FGD4: variants seen among roughly 807,000 people sequenced by gnomAD.
FGD4 encodes the protein FYVE, RhoGEF and PH domain-containing protein 4.
Under a neutral mutation model 102.0 loss-of-function variants are expected in FGD4, and 42 were observed. The ratio of observed to expected loss-of-function variants is 0.41; its 90% confidence interval spans 0.32 to 0.53. The LOEUF (loss-of-function observed/expected upper bound fraction) is 0.53. FGD4 is among the 20% of genes least tolerant of loss of function. The pLI, the probability that FGD4 is intolerant of heterozygous loss-of-function variation, is 0.21. For missense variants in FGD4, 902 were observed against 1,078.2 expected (o/e 0.84, Z 2.29); for synonymous variants, 380 against 375.7 (o/e 1.01, Z -0.13).
In FGD4 at chr12:32,638,792, C is replaced by T. The variant is rs1314359233; in HGVS notation, c.2451C>T (p.Pro817=). ...TTGTGCTGTACATGTATGGTGCCCCCCAGGTATCTAAACCACATCTGTCTG... is the reference window on the plus strand; with the variant it reads ...TTGTGCTGTACATGTATGGTGCCCCTCAGGTATCTAAACCACATCTGTCTG... ...DPLVLYMYGA[P]QDVRAQATIP... Residue 817 remains proline (P), a synonymous_variant, in exon 16 of 17, where the codon CCC becomes CCT. Coordinates refer to ENST00000534526, the MANE Select transcript of FGD4 (RefSeq NM_001370298.3). The T allele has an allele frequency of 1.2e-6, 2 of 1,613,984 alleles. No homozygotes were observed. The highest frequency in any genetic ancestry group is 1.7e-6 in the Non-Finnish European group (2 of 1,179,920).
rs4931643 is a variant in FGD4 at position 32,616,947 on chromosome 12, C to T, written c.1750-2751C>T. Among the ~76,000 whole-genome samples the T allele has an allele frequency of 2.3e-3, 343 of 152,230 alleles. 7 individuals carry two copies. Among genetic ancestry groups the T allele is most frequent in the Admixed American group, 0.019 (298 of 15,290 alleles). ...CTGGCATCTGGTGAGGGCCTTCTTA[C>T]TGCATCATAACATGCAGAAGGCAGG... is the stretch of plus-strand genomic sequence containing the variant. On this transcript the variant is annotated intron_variant, in intron 10 of 16. Coordinates refer to ENST00000534526, the MANE Select transcript of FGD4 (RefSeq NM_001370298.3).
At chr12:32,449,190 C>T in intron 1 of FGD4, among the ~76,000 whole-genome samples, 1 of 152,076 alleles carries the variant, frequency 6.6e-6, no homozygotes, top group East Asian at 1.9e-4. Context: ...TATTTAGTGC[C>T]TTTGTTTTTT....
intron 10 of FGD4, among the ~76,000 whole-genome samples, chr12:32,612,803 T>C (rs183810675): frequency 1.2e-4 from 18 of 152,316 alleles, no homozygotes; most frequent in Admixed American, 2.0e-4. Flanking sequence ...ATGAGTTCTC[T>C]ACACAGTTCT....
At chr12:32,455,405 A>G (rs1259447173) in intron 1 of FGD4, among the ~76,000 whole-genome samples, 1 of 152,166 alleles carries the variant, frequency 6.6e-6, no homozygotes, top group Non-Finnish European at 1.5e-5. Flanking sequence ...ATACCAGGAT[A>G]ATTGTATTTA....
rs1484837776 is a variant in FGD4 at position 32,558,177 on chromosome 12, A to G, written c.167-5960A>G. Among the ~76,000 whole-genome samples the G allele has an allele frequency of 2.6e-5, 4 of 152,256 alleles. No homozygotes were observed. The East Asian group carries it at 7.7e-4, about 29-fold the overall frequency. On this transcript the variant is annotated intron_variant, in intron 1 of 16. Coordinates refer to ENST00000534526, the MANE Select transcript of FGD4 (RefSeq NM_001370298.3). ...GTTCTTCAAAAGTGCTATGGTGCCA[A>G]AAGTCATGCAAGACAAATCTAAGTA... is the stretch of plus-strand genomic sequence containing the variant.
chr12:32,640,139 G>A, intron 16 of FGD4, 137 bp from the exon 17 acceptor site: 1 of 1,275,468 alleles, frequency 7.8e-7, no homozygotes. Context: ...CAATGGGATT[G>A]CCCTCTGTGC....
At chr12:32,616,755 A>T (rs1266790396) in intron 10 of FGD4, among the ~76,000 whole-genome samples, 1 of 152,198 alleles carries the variant, frequency 6.6e-6, no homozygotes, top group East Asian at 1.9e-4. Flanking sequence ...GCATATTTTC[A>T]TGCCTCCATA....
At chr12:32,631,362 A>G (rs1950488856) in intron 14 of FGD4, among the ~76,000 whole-genome samples, 1 of 152,176 alleles carries the variant, frequency 6.6e-6, no homozygotes, top group African/African-American at 2.4e-5. Context: ...TCCCAGTGTC[A>G]TGAGTGAATA....
intron 1 of FGD4, among the ~76,000 whole-genome samples, chr12:32,514,361 T>C (rs1335381735): frequency 1.3e-5 from 2 of 152,228 alleles, no homozygotes; most frequent in Non-Finnish European, 2.9e-5. Flanking sequence ...CTCAACTATA[T>C]ACCACTTTCC....
chr12:32,495,711 A>AAAAAAAAAAAAC (rs1937770325), intron 1 of FGD4, among the ~76,000 whole-genome samples: 1 of 118,608 alleles, frequency 8.4e-6, no homozygotes, highest in Non-Finnish European at 1.9e-5. Context: ...AAAAAAAAAA[A>AAAAAAAAAAAAC]AGAAGCTTTT....
At chr12:32,488,726 G>A (rs1038032713) in intron 1 of FGD4, among the ~76,000 whole-genome samples, 1 of 152,154 alleles carries the variant, frequency 6.6e-6, no homozygotes, top group African/African-American at 2.4e-5. Context: ...GGATCATGAG[G>A]TCAGGAGTTC....
intron 1 of FGD4, among the ~76,000 whole-genome samples, chr12:32,426,866 T>G (rs1024102214): frequency 2.6e-5 from 4 of 152,216 alleles, no homozygotes; most frequent in African/African-American, 7.2e-5. Flanking sequence ...GTGTTTATAG[T>G]ATTCTCTGAT....
At chr12:32,524,740 G>A (rs1386637918) in intron 1 of FGD4, among the ~76,000 whole-genome samples, 2 of 151,952 alleles carry the variant, frequency 1.3e-5, no homozygotes, top group Non-Finnish European at 2.9e-5. Context: ...TGGGAGGATT[G>A]CTTGAGCATG....
chr12:32,402,234 A>G (rs1253005955), intron 1 of FGD4, among the ~76,000 whole-genome samples: 1 of 148,292 alleles, frequency 6.7e-6, no homozygotes, highest in Non-Finnish European at 1.5e-5. Flanking sequence ...TGAGCCCAGG[A>G]GTTTGAGACC....
chr12:32,549,354 C>G (rs796195694), intron 1 of FGD4, among the ~76,000 whole-genome samples: 13 of 152,278 alleles, frequency 8.5e-5, no homozygotes, highest in African/African-American at 3.1e-4. Context: ...TTTCGCCTGG[C>G]TCTTAATTCT....
At chr12:32,481,561 G>A (rs924026244) in intron 1 of FGD4, among the ~76,000 whole-genome samples, 1 of 152,166 alleles carries the variant, frequency 6.6e-6, no homozygotes, top group Non-Finnish European at 1.5e-5. Flanking sequence ...GGTGGCTCAC[G>A]CCTGTAATCC....
rs542896713 is a variant in FGD4 at position 32,563,765 on chromosome 12, G to A, written c.167-372G>A. 4.9e-4 allele frequency among the ~76,000 whole-genome samples: 75 copies of A among 152,282 alleles called. 2 individuals carry two copies. The Middle Eastern group carries it at 0.01, about 21-fold the overall frequency. On this transcript the variant is annotated intron_variant, in intron 1 of 16. Coordinates refer to ENST00000534526, the MANE Select transcript of FGD4 (RefSeq NM_001370298.3). ...TGCAATCCCGGCACCTCGGGAGGCC[G>A]AGGCTGGCGGATCACTCGCGGTTAG...
chr12:32,631,941 C>G lies in FGD4; in HGVS notation c.2173-1608C>G, dbSNP rs531294190. ...GCATGTGCATTGTCAAAATACTGTG[C>G]TATGATTTGAAAATAAACAAAATGG... On this transcript the variant is annotated intron_variant, in intron 14 of 16. Coordinates refer to ENST00000534526, the MANE Select transcript of FGD4 (RefSeq NM_001370298.3). Among the ~76,000 whole-genome samples, 334 of 152,286 alleles carry G rather than the reference C, an allele frequency of 2.2e-3. 1 individual carries two copies. The highest frequency in any genetic ancestry group is 3.5e-3 in the Non-Finnish European group (238 of 68,018).
chr12:32,523,697 G>A (rs1443436512), intron 1 of FGD4, among the ~76,000 whole-genome samples: 4 of 152,236 alleles, frequency 2.6e-5, no homozygotes, highest in Admixed American at 6.5e-5. Flanking sequence ...GCTCTGGGCC[G>A]GGTGCGGTGG....
Sources: gnomAD v4.1 joint callset for allele counts (sites outside exome capture counted in the v4.1 genomes callset) on GRCh38, gnomAD v4.1.1 for gene constraint, MANE v1.5 for transcripts, NCBI Gene and HGNC (gene_info 2026-07-23, HGNC 2026-07-21) for gene names.